NUDT3: variants seen among roughly 807,000 people sequenced by gnomAD.
NUDT3 encodes the protein nudix hydrolase 3, also known as diphosphoinositol polyphosphate phosphohydrolase 1.
A neutral mutation model predicts 23.6 loss-of-function variants in NUDT3; 9 were observed. The observed-to-expected ratio is 0.38, with a 90% confidence interval of 0.23 to 0.66. NUDT3 has a LOEUF of 0.66. NUDT3 is among the 30% of genes least tolerant of loss of function. NUDT3 has a pLI of 0.52. For synonymous variants in NUDT3, 86 were observed against 82.6 expected (o/e 1.04, Z -0.22); for missense variants, 172 against 218.5 (o/e 0.79, Z 1.34).
intron 2 of NUDT3, among the ~76,000 whole-genome samples, chr6:34,341,514 A>G (rs1433321864): frequency 1.3e-5 from 2 of 152,176 alleles, no homozygotes; most frequent in Non-Finnish European, 2.9e-5. Flanking sequence ...CTTAATGACA[A>G]TGAGTCATTT....
intron 1 of NUDT3, among the ~76,000 whole-genome samples, chr6:34,351,403 G>A (rs1371208375): frequency 7.0e-6 from 1 of 142,814 alleles, no homozygotes; most frequent in Non-Finnish European, 1.5e-5. Context: ...ATTGTGCACT[G>A]CACTCCATCC....
At chr6:34,369,086 T>C (rs979386908) in intron 1 of NUDT3, among the ~76,000 whole-genome samples, 2 of 151,550 alleles carry the variant, frequency 1.3e-5, no homozygotes, top group Non-Finnish European at 2.9e-5. Context: ...AGACCACTGG[T>C]TGAACACAAG....
chr6:34,314,361 T>C (rs1050731066), intron 2 of NUDT3, among the ~76,000 whole-genome samples: 4 of 146,676 alleles, frequency 2.7e-5, no homozygotes, highest in African/African-American at 1.0e-4. Context: ...GAAACCAGCC[T>C]GGTCAACATG....
intron 1 of NUDT3, among the ~76,000 whole-genome samples, chr6:34,342,664 C>A (rs1764306045): frequency 6.6e-6 from 1 of 152,168 alleles, no homozygotes; most frequent in Admixed American, 6.5e-5. Context: ...CTTACTTACC[C>A]CTCTCTGTAG....
At chr6:34,298,786 T>C (rs1242819415) in intron 2 of NUDT3, among the ~76,000 whole-genome samples, 1 of 152,202 alleles carries the variant, frequency 6.6e-6, no homozygotes, top group Non-Finnish European at 1.5e-5. Context: ...TCTTTCATAA[T>C]ATTTATGGGA....
chr6:34,335,654 T>C (rs1764196986), intron 2 of NUDT3, among the ~76,000 whole-genome samples: 1 of 151,510 alleles, frequency 6.6e-6, no homozygotes, highest in Non-Finnish European at 1.5e-5. Context: ...AGCATGGGAA[T>C]ATTTAAAGAC....
chr6:34,307,554 C>A (rs1218618911), intron 2 of NUDT3, among the ~76,000 whole-genome samples: 1 of 151,986 alleles, frequency 6.6e-6, no homozygotes, highest in Non-Finnish European at 1.5e-5. Flanking sequence ...CCAGTCTGGG[C>A]AACAGTGGGA....
intron 2 of NUDT3, among the ~76,000 whole-genome samples, chr6:34,333,859 A>G (rs1158196129): frequency 6.6e-6 from 1 of 152,242 alleles, no homozygotes; most frequent in Non-Finnish European, 1.5e-5. Context: ...ATACTACATG[A>G]AGTTGTCACT....
Position 34,371,784 on chromosome 6 carries a change from T to G in NUDT3, c.99+20480A>C, listed in dbSNP as rs557183725. 2.0e-5 allele frequency among the ~76,000 whole-genome samples: 3 copies of G among 152,330 alleles called. No homozygotes were observed. In the South Asian group the frequency reaches 6.2e-4, roughly 32 times the overall value. ...ATTATACTTTAAGTTCTAGAGTACA[T>G]GTACACAACGTGCAGGTTTGTTACA... is the stretch of plus-strand genomic sequence containing the variant. On this transcript the variant is annotated intron_variant, in intron 1 of 4. Coordinates refer to ENST00000607016, the MANE Select transcript of NUDT3 (RefSeq NM_006703.4).
chr6:34,378,500 G>A (rs1764962759), intron 1 of NUDT3, among the ~76,000 whole-genome samples: 1 of 152,136 alleles, frequency 6.6e-6, no homozygotes, highest in South Asian at 2.1e-4. Context: ...CTGGCTGTCT[G>A]AAGCCAAAAA....
intron 2 of NUDT3, among the ~76,000 whole-genome samples, chr6:34,313,176 GA>G (rs536086769): frequency 2.0e-5 from 3 of 149,724 alleles, no homozygotes; most frequent in Non-Finnish European, 3.0e-5. Context: ...CCTTGTCTCT[GA>G]AAAAAAAACC....
chr6:34,317,296 T>C (rs535629671), intron 2 of NUDT3, among the ~76,000 whole-genome samples: 33 of 151,958 alleles, frequency 2.2e-4, no homozygotes, highest in Non-Finnish European at 3.5e-4. Context: ...TGGTTAGGGA[T>C]AGATTACTCA....
intron 2 of NUDT3, among the ~76,000 whole-genome samples, chr6:34,304,965 C>A (rs1191720283): frequency 2.7e-5 from 4 of 148,218 alleles, no homozygotes; most frequent in Non-Finnish European, 4.5e-5. Flanking sequence ...AGCCACTGTG[C>A]CCGGTCTGAA....
At chr6:34,320,348 TC>T (rs916541949) in intron 2 of NUDT3, among the ~76,000 whole-genome samples, 3 of 152,114 alleles carry the variant, frequency 2.0e-5, no homozygotes, top group Non-Finnish European at 2.9e-5. Context: ...TGCTTCAGGC[TC>T]CCAAGTAACT....
chr6:34,385,594 T>C (rs926961572), intron 1 of NUDT3, among the ~76,000 whole-genome samples: 2 of 151,252 alleles, frequency 1.3e-5, no homozygotes, highest in South Asian at 2.1e-4. Flanking sequence ...AAAACATTCA[T>C]GAAGTAATCT....
chr6:34,384,774 G>T (rs1445760197), intron 1 of NUDT3, among the ~76,000 whole-genome samples: 1 of 152,184 alleles, frequency 6.6e-6, no homozygotes, highest in Non-Finnish European at 1.5e-5. Context: ...TCTCATGCAT[G>T]TAATCCTAGC....
chr6:34,359,400 C>T (rs1764613932), intron 1 of NUDT3, among the ~76,000 whole-genome samples: 1 of 152,008 alleles, frequency 6.6e-6, no homozygotes, highest in African/African-American at 2.4e-5. Context: ...AACAAAAAAA[C>T]TCATACCTAT....
At chr6:34,337,740 C>T (rs1764230395) in intron 2 of NUDT3, among the ~76,000 whole-genome samples, 1 of 152,234 alleles carries the variant, frequency 6.6e-6, no homozygotes, top group Non-Finnish European at 1.5e-5. Flanking sequence ...TCCAAATGTG[C>T]TCTACAAAAG....
chr6:34,322,378 C>T (rs770346631), intron 2 of NUDT3, among the ~76,000 whole-genome samples: 22 of 152,094 alleles, frequency 1.4e-4, no homozygotes, highest in Non-Finnish European at 2.6e-4. Flanking sequence ...TATAGGCACC[C>T]GCCACCACGC....
Sources: allele counts gnomAD v4.1 joint callset (sites outside exome capture counted in the v4.1 genomes callset), GRCh38; gene constraint gnomAD v4.1.1; transcripts MANE v1.5; gene names NCBI Gene and HGNC (gene_info 2026-07-23, HGNC 2026-07-21).